The following TACC2 variants were observed in gnomAD, a reference collection of about 807,000 sequenced individuals.
TACC2 encodes transforming acidic coiled-coil-containing protein 2.
A neutral mutation model predicts 227.3 loss-of-function variants in TACC2; 137 were observed. That is an observed-to-expected ratio of 0.60 (90% CI 0.52 to 0.69). The LOEUF (loss-of-function observed/expected upper bound fraction) is 0.69, where lower values mean the gene tolerates loss of function less well. Among genes scored for constraint, TACC2 ranks in the 30% least tolerant of loss-of-function variants. The probability of loss-of-function intolerance (pLI) is 0.00; values close to 1 mark genes in which losing one functional copy is unlikely to be tolerated. For missense variants in TACC2, 3,470 were observed against 3,694.4 expected (o/e 0.94, Z 1.57); for synonymous variants, 1,523 against 1,487.5 (o/e 1.02, Z -0.55).
At chr10:122,015,649 T>C (rs1179184650) in intron 1 of TACC2, among the ~76,000 whole-genome samples, 1 of 150,982 alleles carries the variant, frequency 6.6e-6, no homozygotes, top group African/African-American at 2.4e-5. Flanking sequence ...GTCAGGACTT[T>C]GAGACCAGCC....
intron 2 of TACC2, among the ~76,000 whole-genome samples, chr10:122,027,195 C>T (rs1047469414): frequency 2.6e-5 from 4 of 152,142 alleles, no homozygotes; most frequent in Non-Finnish European, 5.9e-5. Flanking sequence ...ATTTGCATTT[C>T]TCTGTTGACA....
chr10:122,115,873 G>A (rs528011208), intron 5 of TACC2, among the ~76,000 whole-genome samples: 127 of 152,290 alleles, frequency 8.3e-4, no homozygotes, highest in Middle Eastern at 3.4e-3. Flanking sequence ...TGATCAGGAG[G>A]TGGTTTAGGA....
At position 122,150,669 on chromosome 10, in the gene TACC2, G is replaced by A. The variant is rs146041282; in HGVS notation, c.5834+6963G>A. Among the ~76,000 whole-genome samples, 292 of 152,306 alleles carry A rather than the reference G, an allele frequency of 1.9e-3. 1 individual carries two copies. Among genetic ancestry groups the A allele is most frequent in the African/African-American group, 6.7e-3 (279 of 41,570 alleles). On this transcript the variant is annotated intron_variant, in intron 7 of 22. Transcript: ENST00000369005. The surrounding 1 kb of genome is among the most constrained non-coding windows in gnomAD (Gnocchi z 4.0). ...GGGAGGTGGGGTAGGATGGGATATGGTACGAGCATGTGCGGCTCAGGACCC... is the reference window on the plus strand; with the variant it reads ...GGGAGGTGGGGTAGGATGGGATATGATACGAGCATGTGCGGCTCAGGACCC...
intron 3 of TACC2, chr10:122,078,951 A>G (rs917420757): frequency 1.3e-5 from 2 of 152,230 alleles, no homozygotes; most frequent in African/African-American, 2.4e-5. Context: ...CAAGATGCCA[A>G]AATATAATTT....
At position 122,086,460 on chromosome 10, in the gene TACC2, G is replaced by C; in HGVS notation, c.3960G>C (p.Glu1320Asp). 6.2e-7 allele frequency: 1 copy of C among 1,613,874 alleles called. No homozygotes were observed. Among genetic ancestry groups the C allele is most frequent in the East Asian group, 2.2e-5 (1 of 44,874 alleles). The change falls in exon 4 of 23, where the codon GAG (glutamate) becomes GAC (aspartate). Residue 1320 changes from glutamate (E) to aspartate (D), a missense_variant. Physicochemically the swap from Glu to Asp is conservative, Grantham distance 45. Around this residue, in one of 10 missense-constraint regions of TACC2, gnomAD observed 1,924 missense variants for 1,978.3 expected, o/e 0.97. Coordinates refer to ENST00000369005, the MANE Select transcript of TACC2 (RefSeq NM_206862.4). ...SSGSPKARTT[E>D]GPVDSMPCLD... The stretch of plus-strand genomic sequence containing the variant: ...GTAGTCCCAAAGCCAGAACCACTGA[G>C]GGACCAGTGGACTCCATGCCATGCC...
intron 1 of TACC2, among the ~76,000 whole-genome samples, chr10:121,997,555 C>G (rs1247190030): frequency 6.6e-6 from 1 of 152,106 alleles, no homozygotes; most frequent in East Asian, 1.9e-4. Flanking sequence ...ACCACTCAGA[C>G]AGGAGGGAGA....
At chr10:122,077,748 C>T (rs550282246) in intron 3 of TACC2, among the ~76,000 whole-genome samples, 7 of 152,324 alleles carry the variant, frequency 4.6e-5, no homozygotes, top group South Asian at 4.1e-4. Flanking sequence ...TACAAGGCAA[C>T]GGGAGGCAGC....
At position 122,132,638 on chromosome 10, in the gene TACC2, C is replaced by A. The variant is rs1229634950; in HGVS notation, c.5603C>A (p.Pro1868His). The stretch of plus-strand genomic sequence containing the variant: ...CCTGTGGCAGATGATATCATCCAGC[C>A]CGCTGCCCCCGCAGACCTGGAAAGC... ...SSPVADDIIQ[P>H]AAPADLESPT... The change falls in exon 6 of 23, where the codon CCC (proline) becomes CAC (histidine). Residue 1868 changes from proline to histidine, a missense_variant. Pro to His is a moderately conservative substitution (Grantham distance 77). Coordinates refer to ENST00000369005, the MANE Select transcript of TACC2 (RefSeq NM_206862.4). 1.2e-6 allele frequency: 2 copies of A among 1,614,046 alleles called. No homozygotes were observed. The highest frequency in any genetic ancestry group is 3.3e-5 in the Admixed American group (2 of 60,000).
intron 7 of TACC2, chr10:122,163,637 C>T: frequency 9.7e-7 from 1 of 1,034,916 alleles, no homozygotes; most frequent in Non-Finnish European, 1.2e-6. Flanking sequence ...GGCGCTCACG[C>T]TCATACCCGC....
At chr10:122,162,903 G>C (rs1212862767) in intron 7 of TACC2, among the ~76,000 whole-genome samples, 1 of 152,096 alleles carries the variant, frequency 6.6e-6, no homozygotes, top group Admixed American at 6.5e-5. Flanking sequence ...AGCTGGCCGC[G>C]CCTCTGCTTG....
In TACC2 at chr10:122,211,294, G is replaced by T; in HGVS notation, c.6869G>T (p.Gly2290Val). The T allele has an allele frequency of 6.2e-7, 1 of 1,613,952 alleles. No individual in the cohort carries two copies. Among genetic ancestry groups the T allele is most frequent in the Non-Finnish European group, 8.5e-7 (1 of 1,179,980 alleles). The change falls in exon 9 of 23, where the codon GGC becomes GTC. Residue 2290 changes from glycine to valine, a missense_variant. Gly to Val is a moderately radical substitution (Grantham distance 109). Coordinates refer to ENST00000369005, the MANE Select transcript of TACC2 (RefSeq NM_206862.4). ...AACCCCCCTCCTACCAAAAAGATAG[G>T]CAAAAAGCCAGTTGCCAAAATGCCC... ...QENPPPTKKI[G>V]KKPVAKMPLR...
At position 122,210,690 on chromosome 10, in the gene TACC2, C is replaced by T; in HGVS notation, c.6265C>T (p.Leu2089=). 3.7e-6 allele frequency: 6 copies of T among 1,614,146 alleles called. No individual in the cohort carries two copies. Among genetic ancestry groups the T allele is most frequent in the Non-Finnish European group, 5.1e-6 (6 of 1,180,046 alleles). Residue 2089 remains leucine, a synonymous_variant, in exon 9 of 23, where the codon CTG becomes TTG. Coordinates refer to ENST00000369005, the MANE Select transcript of TACC2 (RefSeq NM_206862.4). This position sits in a 1 kb window ranked among gnomAD's most constrained non-coding sequence, Gnocchi z 4.6. ...GTCTACACTGTCCCGGTCGCTCAGC[C>T]TGCAAGCCAGTGACTTTGATGGTGC... is the stretch of plus-strand genomic sequence containing the variant. ...SKSTLSRSLS[L]QASDFDGASS... is the part of the protein sequence containing the mutation.
intron 5 of TACC2, among the ~76,000 whole-genome samples, chr10:122,099,274 A>G (rs185555218): frequency 5.1e-4 from 78 of 152,318 alleles, no homozygotes; most frequent in Middle Eastern, 3.4e-3. Context: ...GAGTTGGCAG[A>G]CTGAGAATTT....
intron 1 of TACC2, among the ~76,000 whole-genome samples, chr10:122,016,789 G>A (rs948165152): frequency 3.3e-5 from 5 of 152,070 alleles, no homozygotes; most frequent in African/African-American, 9.7e-5. Context: ...GTGTCCCCAC[G>A]AAATTCATAT....
In TACC2 at chr10:122,086,920, A is replaced by C; in HGVS notation, c.4420A>C (p.Lys1474Gln). The C allele has an allele frequency of 6.2e-7, 1 of 1,613,938 alleles. No homozygotes were observed. Among genetic ancestry groups the C allele is most frequent in the East Asian group, 2.2e-5 (1 of 44,874 alleles). ...PAPPARLQVE[K>Q]KQQLAGEAEI... ...ACCTCCTGCTCGACTCCAGGTGGAG[A>C]AGAAGCAACAGTTGGCTGGAGAGGC... Residue 1474 changes from lysine (K) to glutamine (Q), a missense_variant, in exon 4 of 23, where the codon AAG becomes CAG. Lys to Gln is a moderately conservative substitution (Grantham distance 53). This residue lies in a region of TACC2 where 1,924 missense variants were observed against 1,978.3 expected (regional missense o/e 0.97). Transcript: ENST00000369005.
intron 5 of TACC2, among the ~76,000 whole-genome samples, chr10:122,099,075 T>C (rs2081837319): frequency 6.6e-6 from 1 of 152,164 alleles, no homozygotes; most frequent in African/African-American, 2.4e-5. Context: ...GCACATCTCA[T>C]GGGACAAACC....
intron 6 of TACC2, among the ~76,000 whole-genome samples, chr10:122,138,953 C>G (rs1270851009): frequency 6.6e-6 from 1 of 152,218 alleles, no homozygotes; most frequent in Non-Finnish European, 1.5e-5. Flanking sequence ...GTCTCCACCC[C>G]TGTAGCCTCT....
chr10:122,060,638 A>G (rs2076684480), intron 3 of TACC2, among the ~76,000 whole-genome samples: 1 of 152,216 alleles, frequency 6.6e-6, no homozygotes, highest in Admixed American at 6.5e-5. Context: ...AGAAAATGTG[A>G]GCAGCTTTCC....
At chr10:122,069,126 A>T (rs1280428455) in intron 3 of TACC2, among the ~76,000 whole-genome samples, 3 of 144,330 alleles carry the variant, frequency 2.1e-5, no homozygotes. Flanking sequence ...ACACAGCTTC[A>T]TCTCAAGTCA....
Sources: gnomAD v4.1 joint callset for allele counts (sites outside exome capture counted in the v4.1 genomes callset) on GRCh38, gnomAD v4.1.1 for gene constraint, gnomAD v4.1.1 regional missense constraint, Gnocchi (gnomAD v3.1) non-coding constraint, MANE v1.5 for transcripts, NCBI Gene and HGNC (gene_info 2026-07-23, HGNC 2026-07-21) for gene names.